COMMD10: variants seen among roughly 807,000 people sequenced by gnomAD.
COMMD10 encodes the protein COMM domain-containing protein 10.
In COMMD10, 33 loss-of-function variants were observed where a neutral mutation model predicts 28.9. The observed-to-expected ratio is 1.14, with a 90% confidence interval of 0.87 to 1.53. COMMD10 has a LOEUF of 1.53. COMMD10 is among the 40% of genes most tolerant of loss of function. The probability of loss-of-function intolerance (pLI) is 0.00; values close to 1 mark genes in which losing one functional copy is unlikely to be tolerated. For synonymous variants in COMMD10, 110 were observed against 81.7 expected (o/e 1.35, Z -1.87); for missense variants, 310 against 233.4 (o/e 1.33, Z -2.14).
chr5:116,174,795 T>C (rs928378634), intron 5 of COMMD10, among the ~76,000 whole-genome samples: 1 of 152,180 alleles, frequency 6.6e-6, no homozygotes, highest in African/African-American at 2.4e-5. Flanking sequence ...TAGCCACTCT[T>C]ACTCAATTTT....
intron 5 of COMMD10, among the ~76,000 whole-genome samples, chr5:116,277,070 G>C (rs1047266425): frequency 6.6e-6 from 1 of 151,682 alleles, no homozygotes; most frequent in Non-Finnish European, 1.5e-5. Context: ...AAAAATATAA[G>C]TTAAATTCTC....
intron 4 of COMMD10, among the ~76,000 whole-genome samples, chr5:116,113,904 T>C (rs1290159838): frequency 1.3e-5 from 2 of 152,172 alleles, no homozygotes; most frequent in Non-Finnish European, 2.9e-5. Flanking sequence ...TCTGGAACAA[T>C]TGCTTTTTTT....
Position 116,092,705 on chromosome 5 carries a change from A to G in COMMD10, c.399+5A>G. 6.4e-7 allele frequency: 1 copy of G among 1,571,074 alleles called. No homozygotes were observed. The highest frequency in any genetic ancestry group is 8.6e-7 in the Non-Finnish European group (1 of 1,158,232). On this transcript the variant is annotated splice_donor_5th_base_variant and intron_variant, in intron 4 of 6. Coordinates refer to ENST00000274458, the MANE Select transcript of COMMD10 (RefSeq NM_016144.4). ...AGAATTCTGGCTCCCTGTAAGGTAT[A>G]GAACATACTGTCTTAAATATGTTTT... is the stretch of plus-strand genomic sequence containing the variant.
At chr5:116,108,895 A>T (rs140517557) in intron 4 of COMMD10, among the ~76,000 whole-genome samples, 41 of 152,126 alleles carry the variant, frequency 2.7e-4, no homozygotes, top group African/African-American at 9.6e-4. Context: ...TCTGGGCCGG[A>T]GTGCACCGTT....
At chr5:116,116,043 G>A (rs1751223124) in intron 4 of COMMD10, among the ~76,000 whole-genome samples, 1 of 152,040 alleles carries the variant, frequency 6.6e-6, no homozygotes, top group Non-Finnish European at 1.5e-5. Context: ...ATTTCGCCAA[G>A]TACATGGCAG....
intron 4 of COMMD10, among the ~76,000 whole-genome samples, chr5:116,133,811 T>G (rs898871639): frequency 2.6e-5 from 4 of 152,204 alleles, no homozygotes; most frequent in African/African-American, 7.2e-5. Flanking sequence ...TTGCTTGGTA[T>G]TAGAATTTTT....
intron 5 of COMMD10, among the ~76,000 whole-genome samples, chr5:116,207,265 A>G (rs1278425941): frequency 2.0e-5 from 3 of 152,194 alleles, no homozygotes; most frequent in African/African-American, 4.8e-5. Context: ...GCTATGTTTT[A>G]TATCAATATG....
intron 5 of COMMD10, among the ~76,000 whole-genome samples, chr5:116,148,934 C>G (rs1327955474): frequency 6.6e-6 from 1 of 151,618 alleles, no homozygotes; most frequent in Non-Finnish European, 1.5e-5. Context: ...ATGTGCCATG[C>G]TGATGTGTTG....
In COMMD10 at chr5:116,257,562, A is replaced by C. The variant is rs1198398921; in HGVS notation, c.511-33955A>C. On this transcript the variant is annotated intron_variant, in intron 5 of 6. Transcript: ENST00000274458. ...GCTATTAATAAGTACATAGGAGTAC[A>C]CAGTAAATGGAAGGCTCATTTAGAC... Among the ~76,000 whole-genome samples, 3 of 151,760 alleles carry C rather than the reference A, an allele frequency of 2.0e-5. No homozygotes were observed. In the East Asian group the frequency reaches 5.8e-4, roughly 29 times the overall value.
intron 4 of COMMD10, among the ~76,000 whole-genome samples, chr5:116,100,759 C>T (rs1188669231): frequency 3.3e-5 from 5 of 151,712 alleles, no homozygotes; most frequent in Admixed American, 2.6e-4. Context: ...CACTTTAATA[C>T]GTCTGTTTTT....
At chr5:116,124,207 G>A (rs550338499) in intron 4 of COMMD10, among the ~76,000 whole-genome samples, 2 of 152,226 alleles carry the variant, frequency 1.3e-5, no homozygotes, top group African/African-American at 4.8e-5. Flanking sequence ...TGGGCATTTA[G>A]TGCTATAAAT....
chr5:116,251,272 T>G (rs979609075), intron 5 of COMMD10, among the ~76,000 whole-genome samples: 15 of 145,990 alleles, frequency 1.0e-4, no homozygotes, highest in Non-Finnish European at 1.8e-4. Flanking sequence ...TTCTTTTTAT[T>G]TATTTATTTA....
intron 5 of COMMD10, among the ~76,000 whole-genome samples, chr5:116,284,763 C>T (rs1294169778): frequency 6.6e-6 from 1 of 151,696 alleles, no homozygotes; most frequent in Admixed American, 6.6e-5. Context: ...CTTCCCTTAA[C>T]AAAGATACTA....
chr5:116,154,730 ACTTTT>A (rs1189902275), intron 5 of COMMD10, among the ~76,000 whole-genome samples: 32 of 151,688 alleles, frequency 2.1e-4, no homozygotes, highest in African/African-American at 7.7e-4. Context: ...CACAGAACTT[ACTTTT>A]CTTTTTCTTT....
chr5:116,122,877 G>C (rs950006361), intron 4 of COMMD10, among the ~76,000 whole-genome samples: 2 of 152,168 alleles, frequency 1.3e-5, no homozygotes, highest in Admixed American at 6.5e-5. Context: ...GAGATTTTGG[G>C]CTGAGACGAT....
chr5:116,184,628 G>A (rs1402626192), intron 5 of COMMD10, among the ~76,000 whole-genome samples: 1 of 152,070 alleles, frequency 6.6e-6, no homozygotes, highest in African/African-American at 2.4e-5. Flanking sequence ...TCCAGCAGCA[G>A]TGGAGTTGTT....
chr5:116,134,740 G>T (rs1751975931), intron 5 of COMMD10, among the ~76,000 whole-genome samples: 1 of 152,212 alleles, frequency 6.6e-6, no homozygotes, highest in African/African-American at 2.4e-5. Context: ...TCCTGCCTCA[G>T]CCTCCCGAGT....
At chr5:116,274,817 A>G (rs1226515134) in intron 5 of COMMD10, among the ~76,000 whole-genome samples, 1 of 151,554 alleles carries the variant, frequency 6.6e-6, no homozygotes, top group African/African-American at 2.4e-5. Context: ...TTTATTATTG[A>G]TCTTCTTGAC....
intron 5 of COMMD10, among the ~76,000 whole-genome samples, chr5:116,160,953 C>G (rs573695124): frequency 8.0e-4 from 122 of 151,920 alleles, no homozygotes; most frequent in African/African-American, 2.8e-3. Context: ...AGGCTTTTTT[C>G]TTAATTTCAG....
Sources: allele counts gnomAD v4.1 joint callset (sites outside exome capture counted in the v4.1 genomes callset), GRCh38; gene constraint gnomAD v4.1.1; transcripts MANE v1.5; gene names NCBI Gene and HGNC (gene_info 2026-07-23, HGNC 2026-07-21).